CXCL10: variants seen among roughly 807,000 people sequenced by gnomAD.
CXCL10 encodes C-X-C motif chemokine 10.
A neutral mutation model predicts 10.8 loss-of-function variants in CXCL10; 6 were observed. The observed-to-expected ratio is 0.55, with a 90% CI of 0.30 to 1.09. The LOEUF is 1.09. Among genes scored for constraint, CXCL10 ranks in the 50% least tolerant of loss-of-function variants. The pLI, the probability that CXCL10 is intolerant of heterozygous loss-of-function variation, is 0.06. For synonymous variants in CXCL10, 35 were observed against 35.8 expected (o/e 0.98, Z 0.08); for missense variants, 114 against 114.3 (o/e 1.00, Z 0.01).
In CXCL10 at chr4:76,021,820, T is replaced by G; in HGVS notation, c.*110A>C. On this transcript the variant is annotated 3_prime_UTR_variant, in exon 4 of 4. Transcript: ENST00000306602. ...GTCACCTTTTAGTGTAACTGCAAAC[T>G]AAGAACAATTATGGCTTGACATATA... The G allele has an allele frequency of 9.1e-7, 1 of 1,102,518 alleles. No homozygotes were observed. The allele number at this position is 1,102,518 out of a possible 1,614,324, so 68.3% of individuals were successfully genotyped here.
rs1190988815 is a variant in CXCL10, at chr4:76,022,807, G to T, written c.72C>A (p.Leu24=). Residue 24 remains leucine (L), a synonymous_variant, in exon 2 of 4, where the codon CTC becomes CTA. Transcript: ENST00000306602. The part of the protein sequence containing the change: ...LTLSGIQGVP[L]SRTVRCTCIS... ...TGCAGGTACAGCGTACAGTTCTAGA[G>T]AGAGGTACTCCTGTAGGAAAAGAGG... is the stretch of plus-strand genomic sequence containing the variant. The T allele has an allele frequency of 1.9e-6, 3 of 1,609,840 alleles. No homozygotes were observed. Among genetic ancestry groups the T allele is most frequent in the South Asian group, 1.1e-5 (1 of 90,998 alleles).
Position 76,023,464 on chromosome 4 carries a change from C to T in CXCL10, c.-33G>A. On this transcript the variant is annotated 5_prime_UTR_variant, in exon 1 of 4. Transcript: ENST00000306602. ...AGACTGGAGGTTCCTCTGCTGTAGG[C>T]TCAGAATATGTCTAAGCAATTGAGG... 1 of 1,592,980 alleles carries T rather than the reference C, an allele frequency of 6.3e-7. No individual in the cohort carries two copies. The highest frequency in any genetic ancestry group is 8.6e-7 in the Non-Finnish European group (1 of 1,160,934).
chr4:76,022,591 A>G, intron 2 of CXCL10, 100 bp downstream of exon 2: 1 of 1,481,742 alleles, frequency 6.7e-7, no homozygotes, highest in Non-Finnish European at 9.2e-7. Flanking sequence ...TTTTAGAATC[A>G]TCACAAACCC....
At position 76,022,708 on chromosome 4, in the gene CXCL10, A is replaced by C; in HGVS notation, c.171T>G (p.Cys57Trp). Residue 57 changes from cysteine to tryptophan, a missense_variant, in exon 2 of 4, where the codon TGT becomes TGG. Physicochemically the swap from Cys to Trp is radical, Grantham distance 215 (BLOSUM62 -2). Coordinates refer to ENST00000306602, the MANE Select transcript of CXCL10 (RefSeq NM_001565.4). ...KLEIIPASQF[C>W]PRVEIIATMK... ...TCACTCACATGATCTCAACACGTGG[A>C]CAAAATTGGCTTGCAGGAATAATTT... is the stretch of plus-strand genomic sequence containing the variant. 1 of 1,613,858 alleles carries C rather than the reference A, an allele frequency of 6.2e-7. No homozygotes were observed. Among genetic ancestry groups the C allele is most frequent in the Non-Finnish European group, 8.5e-7 (1 of 1,179,850 alleles).
rs1449452927 is a variant in CXCL10 at position 76,022,814 on chromosome 4, A to G, written c.65T>C (p.Val22Ala). Residue 22 changes from valine (V) to alanine (A), a missense_variant, in exon 2 of 4, where the codon GTA becomes GCA. By Grantham distance (64) the Val-to-Ala change is moderately conservative (BLOSUM62 0). Coordinates refer to ENST00000306602, the MANE Select transcript of CXCL10 (RefSeq NM_001565.4). ...ACAGCGTACAGTTCTAGAGAGAGGT[A>G]CTCCTGTAGGAAAAGAGGAACAGCA... ...IFLTLSGIQG[V>A]PLSRTVRCTC... 1.9e-6 allele frequency: 3 copies of G among 1,608,038 alleles called. No individual in the cohort carries two copies. Among genetic ancestry groups the G allele is most frequent in the South Asian group, 2.2e-5 (2 of 90,854 alleles).
chr4:76,022,582 T>G (rs1237566013), intron 2 of CXCL10, 109 bp downstream of exon 2: 4 of 1,485,126 alleles, frequency 2.7e-6, no homozygotes, highest in Non-Finnish European at 2.8e-6. Flanking sequence ...GTACATTAGT[T>G]TTAGAATCAT....
chr4:76,022,341 C>T, intron 3 of CXCL10, 25 bp downstream of exon 3: 1 of 1,588,224 alleles, frequency 6.3e-7, no homozygotes. Context: ...AAGAGCAATT[C>T]TTCTGCAGGC....
At chr4:76,023,271 G>T in intron 1 of CXCL10, 100 bp downstream of exon 1, 2 of 868,410 alleles carry the variant, frequency 2.3e-6, no homozygotes, top group Non-Finnish European at 1.9e-6. Context: ...TTATAAGCAT[G>T]CAGTGAAACT....
At position 76,021,273 on chromosome 4, in the gene CXCL10, T is replaced by A. The variant is rs914250881; in HGVS notation, c.*657A>T. The A allele has an allele frequency of 6.6e-6, 1 of 152,254 alleles. No individual in the cohort carries two copies. The highest frequency in any genetic ancestry group is 2.4e-5 in the African/African-American group (1 of 41,464). The allele number at this position is 152,254 out of a possible 1,614,324, so 9.4% of individuals were successfully genotyped here. A position where few individuals can be genotyped will look rare whatever the true frequency, so the allele number is the denominator to read the frequency against. ...CATATATCTATCTGTATTTTTAAAATTTTCCTGTTACTCATTGATACATAG... is the reference window on the plus strand; with the variant it reads ...CATATATCTATCTGTATTTTTAAAAATTTCCTGTTACTCATTGATACATAG... On this transcript the variant is annotated 3_prime_UTR_variant, in exon 4 of 4. Transcript: ENST00000306602.
rs368154298 is a variant in CXCL10, at chr4:76,021,205, T to G, written c.*725A>C. ...TTCCAGGAGAGTACCTCATTTTTAT[T>G]TTGAAAACCATTCAGCACATTTATC... On this transcript the variant is annotated 3_prime_UTR_variant, in exon 4 of 4. Transcript: ENST00000306602. 1.6e-4 allele frequency: 24 copies of G among 152,252 alleles called. No homozygotes were observed. Among genetic ancestry groups the G allele is most frequent in the African/African-American group, 5.5e-4 (23 of 41,464 alleles). 9.4% of individuals were successfully genotyped at this position (152,252 alleles called of 1,614,324 possible).
Position 76,022,722 on chromosome 4 carries a change from C to T in CXCL10, c.157G>A (p.Ala53Thr), listed in dbSNP as rs200825234. The change falls in exon 2 of 4, where the codon GCA becomes ACA. Residue 53 changes from alanine (A) to threonine (T), a missense_variant. Transcript: ENST00000306602. ...RSLEKLEIIP[A>T]SQFCPRVEII... The stretch of plus-strand genomic sequence containing the variant: ...TCAACACGTGGACAAAATTGGCTTG[C>T]AGGAATAATTTCAAGTTTTTCTAAA... 2.5e-5 allele frequency: 40 copies of T among 1,613,654 alleles called. No homozygotes were observed. The highest frequency in any genetic ancestry group is 6.7e-5 in the Admixed American group (4 of 59,986).
chr4:76,022,459 T>G lies in CXCL10; in HGVS notation c.189-4A>C, dbSNP rs1732939766. 1.2e-6 allele frequency: 2 copies of G among 1,609,328 alleles called. No homozygotes were observed. The highest frequency in any genetic ancestry group is 1.7e-6 in the Non-Finnish European group (2 of 1,177,420). On this transcript the variant is annotated splice_region_variant and splice_polypyrimidine_tract_variant and intron_variant, in intron 2 of 3. Transcript: ENST00000306602. ...ACCCTTCTTTTTCATTGTAGCACTG[T>G]AGAAATAAATAGGGATGAAAATATT...
At chr4:76,022,937 G>T in intron 1 of CXCL10, 120 bp from the exon 2 acceptor site, 1 of 955,324 alleles carries the variant, frequency 1.0e-6, no homozygotes, top group Non-Finnish European at 1.6e-6. Context: ...CACTTAATCT[G>T]AGGAGGAATG....
Position 76,022,429 on chromosome 4 carries a change from T to C in CXCL10, c.215A>G (p.Lys72Arg), listed in dbSNP as rs1732934439. ...CTTCGATTCTGGATTCAGACATCTC[T>C]TCTCACCCTTCTTTTTCATTGTAGC... ...IIATMKKKGE[K>R]RCLNPESKAI... The change falls in exon 3 of 4, where the codon AAG becomes AGG. Residue 72 changes from lysine (K) to arginine (R), a missense_variant. By Grantham distance (26) the Lys-to-Arg change is conservative. Coordinates refer to ENST00000306602, the MANE Select transcript of CXCL10 (RefSeq NM_001565.4). 3 of 1,613,306 alleles carry C rather than the reference T, an allele frequency of 1.9e-6. No individual in the cohort carries two copies. In the African/African-American group the frequency reaches 4.0e-5, roughly 22 times the overall value.
intron 2 of CXCL10, 58 bp from the exon 3 acceptor site, chr4:76,022,513 T>C: frequency 2.6e-6 from 4 of 1,544,098 alleles, no homozygotes; most frequent in Non-Finnish European, 3.6e-6. Context: ...ATAAAACAGA[T>C]GGCATACGCA....
At chr4:76,021,970 A>G (rs749937866) in intron 3 of CXCL10, 22 bp from the exon 4 acceptor site, 2 of 1,604,230 alleles carry the variant, frequency 1.2e-6, no homozygotes, top group Admixed American at 1.7e-5. Context: ...GAAAGGGGAT[A>G]TAAAAGTGTG....
Position 76,022,785 on chromosome 4 carries a change from A to G in CXCL10, c.94T>C (p.Cys32Arg), listed in dbSNP as rs1227385544. The G allele has an allele frequency of 2.5e-6, 4 of 1,612,318 alleles. No individual in the cohort carries two copies. The highest frequency in any genetic ancestry group is 3.4e-6 in the Non-Finnish European group (4 of 1,179,782). ...ACAGGTTGATTACTAATGCTGATGC[A>G]GGTACAGCGTACAGTTCTAGAGAGA... ...VPLSRTVRCTCISISNQPVNP... is the reference protein window; with the variant it reads ...VPLSRTVRCTRISISNQPVNP... Residue 32 changes from cysteine (C) to arginine (R), a missense_variant, in exon 2 of 4, where the codon TGC (cysteine) becomes CGC (arginine). By Grantham distance (180) the Cys-to-Arg change is radical (BLOSUM62 -3). Coordinates refer to ENST00000306602, the MANE Select transcript of CXCL10 (RefSeq NM_001565.4).
chr4:76,021,841 A>G lies in CXCL10; in HGVS notation c.*89T>C. 2.4e-6 allele frequency: 3 copies of G among 1,254,236 alleles called. No homozygotes were observed. Among genetic ancestry groups the G allele is most frequent in the Admixed American group, 3.4e-5 (2 of 59,108 alleles). 77.7% of individuals were successfully genotyped at this position (1,254,236 alleles called of 1,614,324 possible). On this transcript the variant is annotated 3_prime_UTR_variant, in exon 4 of 4. Coordinates refer to ENST00000306602, the MANE Select transcript of CXCL10 (RefSeq NM_001565.4). ...AAACTAAGAACAATTATGGCTTGAC[A>G]TATACTCCATGTAGGGAAGTGATGG... is the stretch of plus-strand genomic sequence containing the variant.
Position 76,021,840 on chromosome 4 carries a change from C to A in CXCL10, c.*90G>T. ...CAAACTAAGAACAATTATGGCTTGA[C>A]ATATACTCCATGTAGGGAAGTGATG... On this transcript the variant is annotated 3_prime_UTR_variant, in exon 4 of 4. Transcript: ENST00000306602. 1.6e-6 allele frequency: 2 copies of A among 1,239,814 alleles called. No homozygotes were observed. The highest frequency in any genetic ancestry group is 2.4e-5 in the South Asian group (2 of 82,542). 76.8% of individuals were successfully genotyped at this position (1,239,814 alleles called of 1,614,324 possible).
Sources: allele counts gnomAD v4.1 joint callset, GRCh38; gene constraint gnomAD v4.1.1; transcripts MANE v1.5; gene names NCBI Gene and HGNC (gene_info 2026-07-23, HGNC 2026-07-21).